SEMA3A: variants seen among roughly 807,000 people sequenced by gnomAD.
SEMA3A encodes the protein semaphorin-3A.
Under a neutral mutation model 97.9 loss-of-function variants are expected in SEMA3A, and 29 were observed. The ratio of observed to expected loss-of-function variants is 0.30; its 90% CI spans 0.22 to 0.40. SEMA3A has a LOEUF of 0.40. Among genes scored for constraint, SEMA3A ranks in the 10% least tolerant of loss-of-function variants. The pLI is 1.00. For synonymous variants in SEMA3A, 321 were observed against 323.7 expected, an observed-to-expected ratio of 0.99 and a Z score of 0.09; for missense variants, 763 against 951.3, an observed-to-expected ratio of 0.80 and a Z score of 2.60.
intron 2 of SEMA3A, among the ~76,000 whole-genome samples, chr7:84,336,224 G>C (rs1188226836): frequency 6.6e-6 from 1 of 152,128 alleles, no homozygotes; most frequent in Non-Finnish European, 1.5e-5. Flanking sequence ...CAAAACAGAG[G>C]AGGTAATTAA....
At chr7:84,193,889 T>G (rs1798126615) in intron 1 of SEMA3A, among the ~76,000 whole-genome samples, 2 of 152,160 alleles carry the variant, frequency 1.3e-5, no homozygotes, top group South Asian at 2.1e-4. Context: ...CTTTACACAA[T>G]TAGCCAAATA....
chr7:83,961,568 T>G lies in SEMA3A; in HGVS notation c.2119A>C (p.Met707Leu). 1 of 1,614,154 alleles carries G rather than the reference T, an allele frequency of 6.2e-7. No homozygotes were observed. The highest frequency in any genetic ancestry group is 1.3e-5 in the African/African-American group (1 of 75,052). ...AGATTGGGGTGGTTGATGAGCTGCA[T>G]GAAGTCTCTGTACCAGACCTTCTGG... ...PSQKVWYRDFMQLINHPNLNT... is the reference protein window; with the variant it reads ...PSQKVWYRDFLQLINHPNLNT... The change falls in exon 17 of 17, where the codon ATG becomes CTG. Residue 707 changes from methionine to leucine, a missense_variant. Met to Leu is a conservative substitution (Grantham distance 15). Around this residue, in one of 2 missense-constraint regions of SEMA3A, gnomAD observed 678 missense variants for 881.3 expected, o/e 0.77. Transcript: ENST00000265362.
rs535761354 is a variant in SEMA3A, at chr7:84,001,319, C to T, written c.1452+636G>A. Among the ~76,000 whole-genome samples the T allele has an allele frequency of 2.6e-5, 4 of 151,636 alleles. No homozygotes were observed. In the East Asian group the frequency reaches 5.8e-4, roughly 22 times the overall value. On this transcript the variant is annotated intron_variant, in intron 12 of 16. Coordinates refer to ENST00000265362, the MANE Select transcript of SEMA3A (RefSeq NM_006080.3). ...CATGTCCTGCTGCTTCCACCCAACC[C>T]CCCTCTCACCCGTACCCCCATTCCT...
At chr7:84,222,038 C>T (rs1798895239) in intron 3 of SEMA3A, among the ~76,000 whole-genome samples, 1 of 151,926 alleles carries the variant, frequency 6.6e-6, no homozygotes, top group Non-Finnish European at 1.5e-5. Flanking sequence ...ATATGGTTCT[C>T]TACAGTATTA....
At chr7:83,963,961 T>A (rs975247814) in intron 15 of SEMA3A, among the ~76,000 whole-genome samples, 2 of 152,200 alleles carry the variant, frequency 1.3e-5, no homozygotes, top group African/African-American at 4.8e-5. Context: ...GGGATGGCTT[T>A]GAAAAACAGA....
intron 2 of SEMA3A, among the ~76,000 whole-genome samples, chr7:84,331,307 T>C (rs1801904064): frequency 6.6e-6 from 1 of 152,136 alleles, no homozygotes; most frequent in Non-Finnish European, 1.5e-5. Flanking sequence ...AAATCAAGGC[T>C]TAATATTTTA....
chr7:84,474,440 CT>C (rs377261490), intron 1 of SEMA3A, among the ~76,000 whole-genome samples: 41 of 150,912 alleles, frequency 2.7e-4, no homozygotes, highest in African/African-American at 9.7e-4. Flanking sequence ...AGGACTGCTC[CT>C]TTTTTTTTCT....
chr7:84,488,422 A>T (rs1357309462), intron 1 of SEMA3A, among the ~76,000 whole-genome samples: 1 of 152,088 alleles, frequency 6.6e-6, no homozygotes, highest in Non-Finnish European at 1.5e-5. Flanking sequence ...ACAAATACCC[A>T]GATAGTCCTA....
At chr7:83,978,154 A>G (rs1419686831) in intron 14 of SEMA3A, among the ~76,000 whole-genome samples, 1 of 152,046 alleles carries the variant, frequency 6.6e-6, no homozygotes, top group East Asian at 1.9e-4. Flanking sequence ...TATGGCTATG[A>G]TTGCAAACCA....
At chr7:83,993,383 G>A (rs1159140342) in intron 12 of SEMA3A, among the ~76,000 whole-genome samples, 9 of 151,304 alleles carry the variant, frequency 5.9e-5, no homozygotes, top group African/African-American at 1.5e-4. Flanking sequence ...TATTTTGCTC[G>A]TTAGTTGATG....
intron 3 of SEMA3A, among the ~76,000 whole-genome samples, chr7:84,272,619 T>C (rs1800179679): frequency 6.6e-6 from 1 of 152,038 alleles, no homozygotes; most frequent in African/African-American, 2.4e-5. Context: ...ATTGGCTCTA[T>C]TTTATTCTTC....
At chr7:84,116,208 A>G (rs1361977939) in intron 3 of SEMA3A, among the ~76,000 whole-genome samples, 2 of 152,140 alleles carry the variant, frequency 1.3e-5, no homozygotes, top group Non-Finnish European at 1.5e-5. Flanking sequence ...TATAATATAA[A>G]ATATTATCTT....
chr7:84,094,103 G>A (rs750012918), intron 4 of SEMA3A, among the ~76,000 whole-genome samples: 2 of 152,144 alleles, frequency 1.3e-5, no homozygotes, highest in South Asian at 4.1e-4. Context: ...ACTGGATAGG[G>A]TAAGTCAGGC....
At chr7:84,048,655 C>T (rs1330386301) in intron 5 of SEMA3A, among the ~76,000 whole-genome samples, 1 of 151,698 alleles carries the variant, frequency 6.6e-6, no homozygotes, top group Non-Finnish European at 1.5e-5. Flanking sequence ...AACCTCTTTG[C>T]CTCTAAACCA....
At chr7:84,244,231 C>CT (rs1241922683) in intron 3 of SEMA3A, among the ~76,000 whole-genome samples, 3 of 152,070 alleles carry the variant, frequency 2.0e-5, no homozygotes, top group African/African-American at 7.2e-5. Context: ...GTCTAAGTCT[C>CT]TTTGTAGGTC....
intron 6 of SEMA3A, among the ~76,000 whole-genome samples, chr7:84,018,618 A>T (rs1260996881): frequency 1.3e-5 from 2 of 152,224 alleles, no homozygotes; most frequent in East Asian, 3.8e-4. Flanking sequence ...AAGATATGAC[A>T]TATACTTCAA....
intron 2 of SEMA3A, among the ~76,000 whole-genome samples, chr7:84,340,825 A>G (rs1335623117): frequency 1.3e-5 from 2 of 151,852 alleles, no homozygotes; most frequent in Non-Finnish European, 2.9e-5. Flanking sequence ...TACATCAAAT[A>G]CATCAAAGTA....
In SEMA3A at chr7:84,318,762, T is replaced by A. The variant is rs545273455; in HGVS notation, c.-168-11470A>T. Among the ~76,000 whole-genome samples, 6 of 152,324 alleles carry A rather than the reference T, an allele frequency of 3.9e-5. No individual in the cohort carries two copies. The East Asian group carries it at 9.6e-4, about 24-fold the overall frequency. On this transcript the variant is annotated intron_variant, in intron 2 of 3. Coordinates refer to the SEMA3A transcript ENST00000424555. Reference sequence around the variant, plus strand: ...TTATCTTGTGACTTGGGTGATAATATGCAATCCCATCATACCCAGATTATA... The same window carrying A: ...TTATCTTGTGACTTGGGTGATAATAAGCAATCCCATCATACCCAGATTATA...
chr7:84,286,153 T>TA (rs1800583608), intron 3 of SEMA3A, among the ~76,000 whole-genome samples: 2 of 152,244 alleles, frequency 1.3e-5, no homozygotes, highest in Admixed American at 6.6e-5. Context: ...ATCTCAACTT[T>TA]AAAAAATACA....
Sources: gnomAD v4.1 joint callset for allele counts (sites outside exome capture counted in the v4.1 genomes callset) on GRCh38, gnomAD v4.1.1 for gene constraint, gnomAD v4.1.1 regional missense constraint, MANE v1.5 for transcripts, NCBI Gene and HGNC (gene_info 2026-07-23, HGNC 2026-07-21) for gene names.